The following TMEM163 variants were observed in gnomAD, a reference collection of about 807,000 sequenced individuals.
TMEM163 encodes transmembrane protein 163.
A neutral mutation model predicts 29.3 loss-of-function variants in TMEM163; 17 were observed. That is an observed-to-expected ratio of 0.58 (90% CI 0.40 to 0.87). TMEM163 has a LOEUF of 0.87. Ranked by LOEUF, TMEM163 falls within the 40% of genes least tolerant of loss-of-function variation. TMEM163 has a pLI of 0.00. For missense variants in TMEM163, 303 were observed against 381.5 expected (o/e 0.79, Z 1.71); for synonymous variants, 157 against 160.6 (o/e 0.98, Z 0.17).
At chr2:134,585,658 C>T (rs58481937) in intron 2 of TMEM163, among the ~76,000 whole-genome samples, 6,429 of 151,464 alleles carry the variant, frequency 0.042, 343 homozygotes, top group East Asian at 0.27. Flanking sequence ...AGGAGGATGG[C>T]GTGAACCCGG....
intron 5 of TMEM163, among the ~76,000 whole-genome samples, chr2:134,501,331 T>C (rs963358605): frequency 3.3e-5 from 5 of 152,122 alleles, no homozygotes; most frequent in Non-Finnish European, 4.4e-5. Flanking sequence ...ATTTGCACTG[T>C]GGGATAATAA....
intron 2 of TMEM163, among the ~76,000 whole-genome samples, chr2:134,702,294 A>C (rs908212551): frequency 1.3e-5 from 2 of 152,228 alleles, no homozygotes; most frequent in African/African-American, 4.8e-5. Context: ...ACAATGCAAG[A>C]AATGGAAAAG....
intron 2 of TMEM163, among the ~76,000 whole-genome samples, chr2:134,630,413 G>T (rs1558970520): frequency 6.6e-6 from 1 of 151,758 alleles, no homozygotes. Flanking sequence ...TTTCAAATCA[G>T]TGATGTCTTC....
intron 4 of TMEM163, among the ~76,000 whole-genome samples, chr2:134,540,495 T>C (rs781746355): frequency 8.5e-5 from 13 of 152,338 alleles, no homozygotes; most frequent in Middle Eastern, 6.8e-3. Flanking sequence ...TCCCTCTAGT[T>C]AATTTTGGGT....
At position 134,460,092 on chromosome 2, in the gene TMEM163, T is replaced by A. The variant is rs2106471895; in HGVS notation, c.668-1919A>T. ...CAGATGTTACCCCCCCCCAAATTCA[T>A]TCTCACTCTCCCCGCTGATCCCTGC... On this transcript the variant is annotated intron_variant, in intron 6 of 7. Transcript: ENST00000281924. This position sits in a 1 kb window ranked among gnomAD's most constrained non-coding sequence, Gnocchi z 4.3. Among the ~76,000 whole-genome samples, 1 of 100,862 alleles carries A rather than the reference T, an allele frequency of 9.9e-6. No homozygotes were observed. The highest frequency in any genetic ancestry group is 4.2e-5 in the African/African-American group (1 of 24,006). 66.2% of individuals were successfully genotyped at this position (100,862 alleles called of 152,430 possible).
chr2:134,639,795 T>A (rs556667727), intron 2 of TMEM163, among the ~76,000 whole-genome samples: 1 of 152,208 alleles, frequency 6.6e-6, no homozygotes, highest in Non-Finnish European at 1.5e-5. Flanking sequence ...AATTAAAATA[T>A]TTTTTCTGAA....
intron 2 of TMEM163, among the ~76,000 whole-genome samples, chr2:134,664,862 T>G (rs76633313): frequency 2.6e-3 from 399 of 150,906 alleles, no homozygotes; most frequent in African/African-American, 7.9e-3. Flanking sequence ...AATTGTTGGG[T>G]TTTTTTTTGT....
intron 2 of TMEM163, among the ~76,000 whole-genome samples, chr2:134,662,257 T>G (rs1683772099): frequency 6.6e-6 from 1 of 152,176 alleles, no homozygotes; most frequent in Non-Finnish European, 1.5e-5. Context: ...TTTCATTCAT[T>G]CAATTGCCAC....
At chr2:134,714,732 T>C (rs1376382828) in intron 1 of TMEM163, among the ~76,000 whole-genome samples, 1 of 152,162 alleles carries the variant, frequency 6.6e-6, no homozygotes, top group Non-Finnish European at 1.5e-5. Flanking sequence ...ACCATCACCA[T>C]CCTCTCTCTG....
chr2:134,658,458 G>A (rs546701162), intron 2 of TMEM163, among the ~76,000 whole-genome samples: 24 of 152,172 alleles, frequency 1.6e-4, no homozygotes, highest in Admixed American at 1.2e-3. Flanking sequence ...GTTTTTGGAG[G>A]ACAGATCCTG....
chr2:134,686,385 A>G (rs62171378), intron 2 of TMEM163, among the ~76,000 whole-genome samples: 19,054 of 152,252 alleles, frequency 0.13, 1,552 homozygotes, highest in Middle Eastern at 0.36. Flanking sequence ...ATCCGTACAT[A>G]TTAAAGCAGG....
chr2:134,576,610 G>A (rs1347094756), intron 2 of TMEM163, among the ~76,000 whole-genome samples: 2 of 152,198 alleles, frequency 1.3e-5, no homozygotes, highest in African/African-American at 4.8e-5. Flanking sequence ...AAGGAACCAA[G>A]AGGAGAGACA....
chr2:134,600,135 G>T (rs6707326), intron 2 of TMEM163, among the ~76,000 whole-genome samples: 2 of 152,034 alleles, frequency 1.3e-5, no homozygotes, highest in Admixed American at 6.5e-5. Context: ...TGTAATGAAT[G>T]ACTACATAAC....
chr2:134,510,187 A>G (rs1432603347), intron 4 of TMEM163, among the ~76,000 whole-genome samples: 1 of 152,240 alleles, frequency 6.6e-6, no homozygotes, highest in African/African-American at 2.4e-5. Context: ...ACCTCAGAAA[A>G]AAAAGACCAT....
At chr2:134,577,131 A>G (rs1019582208) in intron 2 of TMEM163, among the ~76,000 whole-genome samples, 2 of 152,162 alleles carry the variant, frequency 1.3e-5, no homozygotes, top group Non-Finnish European at 1.5e-5. Flanking sequence ...GAACTTAATT[A>G]GGGTACCTGC....
chr2:134,581,120 TCA>T (rs1681681168), intron 2 of TMEM163, among the ~76,000 whole-genome samples: 3 of 151,668 alleles, frequency 2.0e-5, no homozygotes, highest in African/African-American at 7.3e-5. Flanking sequence ...GAAGGGAGAG[TCA>T]CAGACACATG....
intron 5 of TMEM163, among the ~76,000 whole-genome samples, chr2:134,484,231 A>C (rs763736681): frequency 1.3e-5 from 2 of 152,218 alleles, no homozygotes; most frequent in Non-Finnish European, 2.9e-5. Flanking sequence ...CGTGGAGGAA[A>C]AAAAAACACC....
intron 2 of TMEM163, among the ~76,000 whole-genome samples, chr2:134,617,974 C>T (rs552250700): frequency 6.6e-6 from 1 of 152,050 alleles, no homozygotes; most frequent in South Asian, 2.1e-4. Flanking sequence ...ATTAGCCAGG[C>T]ATAGTGGCAT....
intron 2 of TMEM163, among the ~76,000 whole-genome samples, chr2:134,670,859 AC>A (rs1454147820): frequency 2.0e-5 from 3 of 152,240 alleles, no homozygotes; most frequent in African/African-American, 7.2e-5. Context: ...GGACTTTGAA[AC>A]CAACACCACA....
Sources: allele counts gnomAD v4.1 joint callset (sites outside exome capture counted in the v4.1 genomes callset), GRCh38; gene constraint gnomAD v4.1.1; non-coding constraint Gnocchi (gnomAD v3.1); transcripts MANE v1.5; gene names NCBI Gene and HGNC (gene_info 2026-07-23, HGNC 2026-07-21).